The following DIS3L variants were observed in gnomAD, a reference collection of about 807,000 sequenced individuals.
The protein encoded by DIS3L is DIS3-like exonuclease 1.
A neutral mutation model predicts 120.3 loss-of-function variants in DIS3L; 100 were observed. The observed-to-expected ratio is 0.83, with a 90% CI of 0.71 to 0.98. DIS3L has a LOEUF of 0.98. Ranked by LOEUF, DIS3L falls within the 50% of genes least tolerant of loss-of-function variation. DIS3L has a pLI of 0.00. For missense variants in DIS3L, 1,196 were observed against 1,314.2 expected (o/e 0.91, Z 1.39); for synonymous variants, 426 against 470.6 (o/e 0.91, Z 1.23).
chr15:66,295,253 T>C, intron 2 of DIS3L, 112 bp downstream of exon 2: 9 of 1,027,276 alleles, frequency 8.8e-6, no homozygotes, highest in Non-Finnish European at 1.1e-5. Context: ...GAAGGGACTT[T>C]TAAAACTAAT....
chr15:66,325,336 G>A (rs2092924608), intron 11 of DIS3L, among the ~76,000 whole-genome samples: 1 of 152,154 alleles, frequency 6.6e-6, no homozygotes, highest in South Asian at 2.1e-4. Flanking sequence ...GTAGGTTGCA[G>A]TGAGCCGAGA....
intron 5 of DIS3L, among the ~76,000 whole-genome samples, chr15:66,312,854 G>A (rs2092776125): frequency 2.0e-5 from 3 of 152,158 alleles, no homozygotes; most frequent in Admixed American, 6.5e-5. Context: ...CACAATCTAA[G>A]AGCATCACTC....
intron 7 of DIS3L, among the ~76,000 whole-genome samples, chr15:66,317,599 A>G (rs1182108154): frequency 6.6e-6 from 1 of 152,142 alleles, no homozygotes; most frequent in Non-Finnish European, 1.5e-5. Flanking sequence ...TTGATAAGAT[A>G]ATGGCAAAAG....
Position 66,308,715 on chromosome 15 carries a change from A to G in DIS3L, c.429A>G (p.Ile143Met), listed in dbSNP as rs1482536013. 3 of 1,609,798 alleles carry G rather than the reference A, an allele frequency of 1.9e-6. No homozygotes were observed. The highest frequency in any genetic ancestry group is 2.2e-5 in the South Asian group (2 of 90,606). The change falls in exon 4 of 17, where the codon ATA (isoleucine) becomes ATG (methionine). Residue 143 changes from isoleucine (I) to methionine (M), a missense_variant. Physicochemically the swap from Ile to Met is conservative, Grantham distance 10. Coordinates refer to ENST00000319212, the MANE Select transcript of DIS3L (RefSeq NM_001143688.3). ...GTGCCCTTTGCTTTTCCAGGAGCAT[A>G]TACAACGCAGCTGTTTGGTACTATC... ...ESMEKWQTRS[I>M]YNAAVWYYHH... is the part of the protein sequence containing the mutation.
intron 3 of DIS3L, among the ~76,000 whole-genome samples, chr15:66,307,949 G>A (rs1326493258): frequency 1.3e-5 from 2 of 152,114 alleles, no homozygotes; most frequent in Non-Finnish European, 2.9e-5. Flanking sequence ...TTGGGAGGCT[G>A]AGGCAAGAGG....
rs567104479 is a variant in DIS3L at position 66,325,778 on chromosome 15, A to G, written c.1668-53A>G. Reference sequence around the variant, plus strand: ...CCTGTCTCAAAAAAACAAAAAACAAAAAAAGCCAGATGAATTTGAATAGTG... The same window carrying G: ...CCTGTCTCAAAAAAACAAAAAACAAGAAAAGCCAGATGAATTTGAATAGTG... On this transcript the variant is annotated intron_variant, in intron 11 of 16. Transcript: ENST00000319212. The G allele has an allele frequency of 7.1e-6, 11 of 1,538,724 alleles. No homozygotes were observed. In the East Asian group the frequency reaches 1.4e-4, roughly 19 times the overall value.
At chr15:66,295,293 A>G (rs569780371) in intron 2 of DIS3L, 152 bp downstream of exon 2, 20 of 709,896 alleles carry the variant, frequency 2.8e-5, no homozygotes, top group Non-Finnish European at 4.0e-5. Flanking sequence ...TGAGGAATGC[A>G]GTAACATTAT....
rs2092938307 is a variant in DIS3L, at chr15:66,326,359, T to C, written c.2196T>C (p.Asp732=). ...ECAKAKGFFI[D]TRSNKTLADS... ...CTAAAGCCAAAGGCTTCTTCATAGA[T>C]ACACGGTATTCCTCTTTTGAGGGGG... Residue 732 remains aspartate, a synonymous_variant, in exon 12 of 17, where the codon GAT becomes GAC. Transcript: ENST00000319212. The C allele has an allele frequency of 1.2e-6, 2 of 1,613,602 alleles. No individual in the cohort carries two copies. The highest frequency in any genetic ancestry group is 1.7e-6 in the Non-Finnish European group (2 of 1,179,754).
chr15:66,322,209 T>TA, intron 9 of DIS3L, among the ~76,000 whole-genome samples: 1 of 152,306 alleles, frequency 6.6e-6, no homozygotes, highest in East Asian at 1.9e-4. Flanking sequence ...CTTAAACAGA[T>TA]AATAATGGAG....
Position 66,318,452 on chromosome 15 carries a change from G to A in DIS3L, c.998G>A (p.Arg333Gln), listed in dbSNP as rs750804256. Residue 333 changes from arginine to glutamine, a missense_variant, in exon 8 of 17, where the codon CGA becomes CAA. Physicochemically the swap from Arg to Gln is conservative, Grantham distance 43. Transcript: ENST00000319212. Reference protein sequence around the residue: ...ESPSEPMPTGRVVGILQKNWR... With the variant: ...ESPSEPMPTGQVVGILQKNWR... The stretch of plus-strand genomic sequence containing the variant: ...GTTTTGTTTTGTTTTGCCAAAGGTC[G>A]AGTGGTGGGCATACTTCAGAAGAAC... 20 of 1,613,372 alleles carry A rather than the reference G, an allele frequency of 1.2e-5. No homozygotes were observed. Among genetic ancestry groups the A allele is most frequent in the African/African-American group, 2.7e-5 (2 of 74,966 alleles).
Position 66,331,952 on chromosome 15 carries a change from G to T in DIS3L, c.2613G>T (p.Glu871Asp), listed in dbSNP as rs763221320. Residue 871 changes from glutamate to aspartate, a missense_variant, in exon 15 of 17, where the codon GAG becomes GAT. Physicochemically the swap from Glu to Asp is conservative, Grantham distance 45. Transcript: ENST00000319212. ...MYFKDKDPAT[E>D]ERCISDGVIY... ...TCAAAGACAAAGACCCTGCCACCGA[G>T]GAGCGTTGCATATCTGACGGAGTTA... 1 of 1,613,502 alleles carries T rather than the reference G, an allele frequency of 6.2e-7. No homozygotes were observed.
chr15:66,330,076 G>A lies in DIS3L; in HGVS notation c.2535+677G>A, dbSNP rs147592776. 1,224 of 982,472 alleles carry A rather than the reference G, an allele frequency of 1.2e-3. 52 individuals are homozygous for A. In the Admixed American group the frequency reaches 0.061, roughly 49 times the overall value. The allele number at this position is 982,472 out of a possible 1,614,324, so 60.9% of individuals were successfully genotyped here. On this transcript the variant is annotated intron_variant, in intron 14 of 16. Transcript: ENST00000319212. ...CCAGTACTTTGGGAGGCTGAGGCAGGTGGATCACGAGGTCAGGAGATCGAG... is the reference window on the plus strand; with the variant it reads ...CCAGTACTTTGGGAGGCTGAGGCAGATGGATCACGAGGTCAGGAGATCGAG...
chr15:66,305,681 T>C (rs1432642620), intron 2 of DIS3L, among the ~76,000 whole-genome samples: 1 of 151,740 alleles, frequency 6.6e-6, no homozygotes, highest in Non-Finnish European at 1.5e-5. Flanking sequence ...CGTACCACCA[T>C]GCCCAGCTAA....
At chr15:66,311,646 C>T in intron 4 of DIS3L, 78 bp from the exon 5 acceptor site, 1 of 1,544,774 alleles carries the variant, frequency 6.5e-7, no homozygotes, top group Non-Finnish European at 8.8e-7. Context: ...AATTCCTAGT[C>T]AGGAGTTTCT....
At chr15:66,332,499 T>C (rs1274101057) in intron 15 of DIS3L, among the ~76,000 whole-genome samples, 1 of 133,226 alleles carries the variant, frequency 7.5e-6, no homozygotes, top group East Asian at 2.2e-4. Context: ...TGTGTGTGTG[T>C]GTGTGTGTGT....
At chr15:66,320,813 CTT>C (rs2092875934) in intron 9 of DIS3L, 81 bp downstream of exon 9, 1 of 1,522,758 alleles carries the variant, frequency 6.6e-7, no homozygotes, top group Non-Finnish European at 8.8e-7. Flanking sequence ...AAAGAAAAGT[CTT>C]TGTGCTGTGG....
intron 7 of DIS3L, among the ~76,000 whole-genome samples, chr15:66,317,845 A>G (rs1278506185): frequency 7.7e-5 from 11 of 142,202 alleles, no homozygotes; most frequent in Admixed American, 6.9e-5. Context: ...GTTTCTTAAA[A>G]AAAAAAAAAA....
At chr15:66,314,904 T>C in intron 6 of DIS3L, 132 bp from the exon 7 acceptor site, 2 of 930,420 alleles carry the variant, frequency 2.1e-6, no homozygotes, top group Non-Finnish European at 3.2e-6. Flanking sequence ...AAAGTTTGAC[T>C]CTACCTTTGA....
chr15:66,314,966 G>A (rs1469341813), intron 6 of DIS3L, 70 bp from the exon 7 acceptor site: 9 of 1,503,486 alleles, frequency 6.0e-6, no homozygotes, highest in African/African-American at 1.4e-5. Context: ...AGTATATCAT[G>A]CGCGGAATGC....
Sources: allele counts gnomAD v4.1 joint callset (sites outside exome capture counted in the v4.1 genomes callset), GRCh38; gene constraint gnomAD v4.1.1; transcripts MANE v1.5; gene names NCBI Gene and HGNC (gene_info 2026-07-23, HGNC 2026-07-21).